MREG: variants seen among roughly 807,000 people sequenced by gnomAD.
MREG encodes the protein melanoregulin, also known as dilute suppressor protein homolog.
In MREG, 31 loss-of-function variants were observed where a neutral mutation model predicts 28.5. The ratio of observed to expected loss-of-function variants is 1.09; its 90% CI spans 0.82 to 1.47. The LOEUF is 1.47. Ranked by LOEUF, MREG falls within the 40% of genes most tolerant of loss-of-function variation. MREG has a pLI of 0.00. For missense variants in MREG, 256 were observed against 257.4 expected, an observed-to-expected ratio of 0.99 and a Z score of 0.04; for synonymous variants, 106 against 95.2, an observed-to-expected ratio of 1.11 and a Z score of -0.66.
intron 2 of MREG, among the ~76,000 whole-genome samples, chr2:215,974,134 A>G (rs538620002): frequency 4.6e-5 from 7 of 152,228 alleles, no homozygotes; most frequent in Admixed American, 3.9e-4. Flanking sequence ...GCTTGTATTC[A>G]TTTGCTGTGT....
chr2:215,943,579 C>G lies in MREG; in HGVS notation c.*1284G>C. 2.3e-6 allele frequency: 1 copy of G among 440,846 alleles called. No homozygotes were observed. Among genetic ancestry groups the G allele is most frequent in the Non-Finnish European group, 4.6e-6 (1 of 218,334 alleles). 27.3% of individuals were successfully genotyped at this position (440,846 alleles called of 1,614,324 possible). ...GGGCTTGGCCGGGCGCGGTGACTCA[C>G]GCCTGTAATCCCAGCACTTTGGGAG... On this transcript the variant is annotated 3_prime_UTR_variant, in exon 5 of 5. Coordinates refer to ENST00000263268, the MANE Select transcript of MREG (RefSeq NM_018000.3).
chr2:215,958,119 G>A (rs867639189), intron 2 of MREG, among the ~76,000 whole-genome samples: 2 of 144,130 alleles, frequency 1.4e-5, no homozygotes, highest in Non-Finnish European at 3.0e-5. Context: ...GGTGGAGGGA[G>A]GGGGGAGGGA....
chr2:216,014,329 C>T (rs1694392740), upstream of MREG, among the ~76,000 whole-genome samples: 1 of 152,054 alleles, frequency 6.6e-6, no homozygotes, highest in Non-Finnish European at 1.5e-5. Context: ...ATTCTTGAAC[C>T]AAAGTATTTG....
intron 1 of MREG, among the ~76,000 whole-genome samples, chr2:216,006,813 T>C (rs1405704692): frequency 6.6e-6 from 1 of 152,188 alleles, no homozygotes; most frequent in Non-Finnish European, 1.5e-5. Context: ...GAGTTGGTGG[T>C]GATTCCCTTT....
chr2:216,005,444 CTTTTTTTTTTTT>C (rs58288878), intron 1 of MREG, among the ~76,000 whole-genome samples: 5 of 86,306 alleles, frequency 5.8e-5, no homozygotes, highest in African/African-American at 1.0e-4. Flanking sequence ...TCTAGTTATT[CTTTTTTTTTTTT>C]TTTTTTTTTT....
At chr2:216,004,118 C>A (rs1284970072) in intron 1 of MREG, among the ~76,000 whole-genome samples, 2 of 152,156 alleles carry the variant, frequency 1.3e-5, no homozygotes, top group Admixed American at 6.5e-5. Flanking sequence ...GACCTCAGGG[C>A]CCTTGCACTG....
At chr2:216,030,940 TCTCTCTCTCTCTCTCTCACA>T (rs766427158) in intron 1 of MREG, among the ~76,000 whole-genome samples, 6,737 of 72,296 alleles carry the variant, frequency 0.093, 154 homozygotes, top group Non-Finnish European at 0.11. Flanking sequence ...TCTCTCTCTC[TCTCTCTCTCTCTCTCTCACA>T]CACACACACA....
At chr2:215,987,367 C>T (rs1693600476) in intron 2 of MREG, among the ~76,000 whole-genome samples, 1 of 151,658 alleles carries the variant, frequency 6.6e-6, no homozygotes, top group African/African-American at 2.4e-5. Flanking sequence ...CTGCCTCAGC[C>T]TCCTGAGTAG....
At position 215,998,450 on chromosome 2, in the gene MREG, G is replaced by C. The variant is rs951134901; in HGVS notation, c.96-1985C>G. 2.0e-5 allele frequency among the ~76,000 whole-genome samples: 3 copies of C among 152,264 alleles called. No homozygotes were observed. In the South Asian group the frequency reaches 6.2e-4, roughly 32 times the overall value. On this transcript the variant is annotated intron_variant, in intron 1 of 4. Transcript: ENST00000263268. ...GACCAGCTACCTGAATCAGCATGGG[G>C]TTTAGAGACTGAATATTGAACAGTG...
chr2:216,024,951 G>C (rs78265112), intron 1 of MREG, among the ~76,000 whole-genome samples: 1 of 105,238 alleles, frequency 9.5e-6, no homozygotes, highest in Non-Finnish European at 1.8e-5. Context: ...GGGAAAGGAA[G>C]GGAAAGGAAA....
chr2:215,979,499 AT>A (rs1693359542), intron 2 of MREG, among the ~76,000 whole-genome samples: 1 of 148,012 alleles, frequency 6.8e-6, no homozygotes, highest in South Asian at 2.1e-4. Flanking sequence ...AATAATAATA[AT>A]AATAATAATA....
intron 2 of MREG, among the ~76,000 whole-genome samples, chr2:215,992,090 C>CA (rs1457883403): frequency 3.3e-5 from 5 of 151,978 alleles, no homozygotes; most frequent in African/African-American, 1.2e-4. Flanking sequence ...AGAGACACAA[C>CA]AAAAAAAGAA....
At chr2:215,975,222 G>A (rs750896724) in intron 2 of MREG, among the ~76,000 whole-genome samples, 4 of 151,726 alleles carry the variant, frequency 2.6e-5, no homozygotes, top group African/African-American at 9.7e-5. Context: ...GATCATAACC[G>A]TCTTTCTAAG....
chr2:215,996,296 AGGT>A lies in MREG; in HGVS notation c.255+7_255+9del. On this transcript the variant is annotated splice_region_variant and intron_variant, in intron 2 of 4. Transcript: ENST00000263268. ...CATCCGCGCACAGCAAGACATCAAAAGGTGCTCACCTCTGAGTCTTTGGCCTGC... is the reference window on the plus strand; with the variant it reads ...CATCCGCGCACAGCAAGACATCAAAAGCTCACCTCTGAGTCTTTGGCCTGC... 6.2e-7 allele frequency: 1 copy of A among 1,611,040 alleles called. No individual in the cohort carries two copies. The highest frequency in any genetic ancestry group is 8.5e-7 in the Non-Finnish European group (1 of 1,179,174).
In MREG at chr2:215,975,814, C is replaced by T. The variant is rs147966162; in HGVS notation, c.255+20492G>A. ...CAAGAAGTCTCATAGGGCCGGGCGC[C>T]GTGGCTCACACCTGTAATCCCAGCA... On this transcript the variant is annotated intron_variant, in intron 2 of 4. Transcript: ENST00000263268. 4.6e-5 allele frequency among the ~76,000 whole-genome samples: 7 copies of T among 152,210 alleles called. No individual in the cohort carries two copies. The East Asian group carries it at 5.8e-4, about 13-fold the overall frequency.
chr2:216,025,113 G>A (rs1345889572), intron 1 of MREG, among the ~76,000 whole-genome samples: 2 of 152,130 alleles, frequency 1.3e-5, no homozygotes. Flanking sequence ...GCATGAGAAT[G>A]CATGAAAATG....
chr2:216,020,068 G>A (rs6435929), intron 1 of MREG, among the ~76,000 whole-genome samples: 4,263 of 152,132 alleles, frequency 0.028, 155 homozygotes, highest in African/African-American at 0.087. Flanking sequence ...AGTAGAGCAC[G>A]GTAAGATGTT....
chr2:215,966,974 C>T (rs1336014828), intron 2 of MREG, among the ~76,000 whole-genome samples: 1 of 152,174 alleles, frequency 6.6e-6, no homozygotes, highest in African/African-American at 2.4e-5. Context: ...ACTGAGCCTA[C>T]AGATTCTGCC....
intron 1 of MREG, among the ~76,000 whole-genome samples, chr2:216,005,697 C>T (rs576586144): frequency 1.1e-4 from 17 of 152,054 alleles, no homozygotes; most frequent in African/African-American, 4.1e-4. Flanking sequence ...AAGTGATGCA[C>T]CTGCCTCGGC....
Sources: gnomAD v4.1 joint callset for allele counts (sites outside exome capture counted in the v4.1 genomes callset) on GRCh38, gnomAD v4.1.1 for gene constraint, MANE v1.5 for transcripts, NCBI Gene and HGNC (gene_info 2026-07-23, HGNC 2026-07-21) for gene names.